CCDC30: variants seen among roughly 807,000 people sequenced by gnomAD.
CCDC30 encodes coiled-coil domain containing 30, also known as coiled-coil domain-containing protein 30.
Under a neutral mutation model 100.2 loss-of-function variants are expected in CCDC30, and 70 were observed. That is an observed-to-expected ratio of 0.70 (90% CI 0.58 to 0.85). The LOEUF (loss-of-function observed/expected upper bound fraction) is 0.85, where lower values mean the gene tolerates loss of function less well. CCDC30 is among the 40% of genes least tolerant of loss of function. The pLI is 0.00. For synonymous variants in CCDC30, 233 were observed against 269.5 expected (o/e 0.86, Z 1.33); for missense variants, 652 against 771.2 (o/e 0.85, Z 1.83).
chr1:42,608,665 A>G (rs887352979), intron 10 of CCDC30, among the ~76,000 whole-genome samples: 1 of 141,896 alleles, frequency 7.0e-6, no homozygotes, highest in Non-Finnish European at 1.5e-5. Context: ...AGATCGCGCC[A>G]CTGCCCTCCA....
intron 6 of CCDC30, among the ~76,000 whole-genome samples, chr1:42,517,264 G>T (rs1644568849): frequency 6.6e-6 from 1 of 152,130 alleles, no homozygotes; most frequent in Admixed American, 6.6e-5. Context: ...AAAAGAAATT[G>T]TAGAGATGGG....
At position 42,472,646 on chromosome 1, in the gene CCDC30, C is replaced by CT. The variant is rs1210844030; in HGVS notation, c.-91-7804dup. Among the ~76,000 whole-genome samples, 893 of 145,580 alleles carry CT rather than the reference C, an allele frequency of 6.1e-3. 9 individuals are homozygous for CT. The highest frequency in any genetic ancestry group is 0.019 in the African/African-American group (764 of 39,806). ...GCAAACTTTAGAACAGACAGAAAAG[C>CT]TTTTTTTTTTTCCATTGTACATAAT... On this transcript the variant is annotated intron_variant, in intron 1 of 16. Transcript: ENST00000668663.
At chr1:42,500,018 A>G (rs1231480285) in intron 6 of CCDC30, among the ~76,000 whole-genome samples, 2 of 152,184 alleles carry the variant, frequency 1.3e-5, no homozygotes, top group East Asian at 1.9e-4. Flanking sequence ...CCTGCCAGCC[A>G]GATAGACAGA....
chr1:42,596,884 GT>G lies in CCDC30; in HGVS notation c.1164+7402del, dbSNP rs367592903. Among the ~76,000 whole-genome samples the G allele has an allele frequency of 3.8e-3, 579 of 152,224 alleles. 1 individual carries two copies. Among genetic ancestry groups the G allele is most frequent in the African/African-American group, 0.012 (514 of 41,520 alleles). ...TGTGCTAAGGGCTCTAAGGAATAAAGTAGACCACATGCAGGAAGAGATGGGC... is the reference window on the plus strand; with the variant it reads ...TGTGCTAAGGGCTCTAAGGAATAAAGAGACCACATGCAGGAAGAGATGGGC... On this transcript the variant is annotated intron_variant, in intron 10 of 16. Coordinates refer to ENST00000668663, the Ensembl canonical transcript of CCDC30. This position sits in a 1 kb window ranked among gnomAD's most constrained non-coding sequence, Gnocchi z 4.3.
At chr1:42,572,853 A>G (rs969770701) in intron 7 of CCDC30, among the ~76,000 whole-genome samples, 1 of 152,154 alleles carries the variant, frequency 6.6e-6, no homozygotes, top group Admixed American at 6.5e-5. Flanking sequence ...TCCTGACCTC[A>G]GGTGATCTGC....
At chr1:42,564,875 T>G (rs1329179963) in intron 6 of CCDC30, among the ~76,000 whole-genome samples, 1 of 152,122 alleles carries the variant, frequency 6.6e-6, no homozygotes, top group Admixed American at 6.6e-5. Context: ...TTGCTGCTTC[T>G]GTGAGTTCAA....
At chr1:42,585,149 T>C (rs1348606524) in intron 9 of CCDC30, among the ~76,000 whole-genome samples, 2 of 152,240 alleles carry the variant, frequency 1.3e-5, no homozygotes, top group Non-Finnish European at 2.9e-5. Flanking sequence ...TCAGTCCATA[T>C]AATGTAAGTT....
Position 42,611,130 on chromosome 1 carries a change from G to A in CCDC30, c.1277+40G>A, listed in dbSNP as rs193096941. 1.1e-4 allele frequency: 131 copies of A among 1,243,454 alleles called. No homozygotes were observed. The East Asian group carries it at 2.2e-3, about 21-fold the overall frequency. 77.0% of individuals were successfully genotyped at this position (1,243,454 alleles called of 1,614,324 possible). A position where few individuals can be genotyped will look rare whatever the true frequency, so the allele number is the denominator to read the frequency against. On this transcript the variant is annotated intron_variant, in intron 11 of 16. Coordinates refer to ENST00000668663, the Ensembl canonical transcript of CCDC30. ...GTTCTCTTTGGAAGAAAACTATGTA[G>A]AGTAGTTATTTCTTGCTGAGCAGGC...
chr1:42,510,069 A>G (rs1326041798), intron 6 of CCDC30: 1 of 985,294 alleles, frequency 1.0e-6, no homozygotes, highest in Non-Finnish European at 1.2e-6. Flanking sequence ...GTGTTGTAGA[A>G]TTGGAGGAGC....
intron 9 of CCDC30, among the ~76,000 whole-genome samples, chr1:42,588,417 A>G (rs1646119807): frequency 1.3e-5 from 2 of 152,202 alleles, no homozygotes; most frequent in African/African-American, 4.8e-5. Flanking sequence ...GGGAAAATCA[A>G]GTGTGATGAC....
chr1:42,596,424 T>C lies in CCDC30; in HGVS notation c.1164+6941T>C, dbSNP rs964759677. Among the ~76,000 whole-genome samples the C allele has an allele frequency of 3.3e-5, 5 of 152,078 alleles. No homozygotes were observed. The highest frequency in any genetic ancestry group is 7.4e-5 in the Non-Finnish European group (5 of 68,006). On this transcript the variant is annotated intron_variant, in intron 10 of 16. Coordinates refer to ENST00000668663, the Ensembl canonical transcript of CCDC30. This position sits in a 1 kb window ranked among gnomAD's most constrained non-coding sequence, Gnocchi z 4.3. ...CAGGAGAAACTATTTAACCAGAGCC[T>C]AAGCTGTTGGGGTTTTGTCAGAGTC... is the stretch of plus-strand genomic sequence containing the variant.
intron 6 of CCDC30, among the ~76,000 whole-genome samples, chr1:42,543,444 T>C (rs1645057542): frequency 6.6e-6 from 1 of 151,956 alleles, no homozygotes; most frequent in African/African-American, 2.4e-5. Context: ...GCCTCAGCCA[T>C]CCGAGTAACT....
chr1:42,537,078 A>G (rs1644919569), intron 6 of CCDC30: 12 of 415,210 alleles, frequency 2.9e-5, no homozygotes, highest in Non-Finnish European at 5.7e-5. Flanking sequence ...GCACTGTAGA[A>G]TACGTGTTTC....
intron 6 of CCDC30, among the ~76,000 whole-genome samples, chr1:42,557,684 T>C (rs1307545605): frequency 1.4e-5 from 2 of 147,460 alleles, no homozygotes; most frequent in Non-Finnish European, 3.0e-5. Context: ...ATAAAATATT[T>C]TATTTATATT....
At chr1:42,559,496 A>G (rs1162379710) in intron 6 of CCDC30, among the ~76,000 whole-genome samples, 1 of 152,220 alleles carries the variant, frequency 6.6e-6, no homozygotes, top group South Asian at 2.1e-4. Flanking sequence ...TTGCAATCCT[A>G]GTCTCTGACA....
intron 11 of CCDC30, among the ~76,000 whole-genome samples, chr1:42,633,428 C>T (rs1215940772): frequency 4.6e-5 from 7 of 152,164 alleles, no homozygotes; most frequent in African/African-American, 9.7e-5. Flanking sequence ...CACCTGGAAG[C>T]CCCAACTCTC....
intron 6 of CCDC30, among the ~76,000 whole-genome samples, chr1:42,538,336 G>GAA (rs111385931): frequency 7.3e-6 from 1 of 136,134 alleles, no homozygotes; most frequent in African/African-American, 2.7e-5. Flanking sequence ...TCTCAAAAAA[G>GAA]AAAAAAAAAA....
At chr1:42,581,501 G>C in exon 9 of CCDC30, 1 of 1,612,818 alleles carries the variant, frequency 6.2e-7, no homozygotes, top group African/African-American at 1.3e-5. Flanking sequence ...ATATCAAGAA[G>C]AACAACAGAA....
At chr1:42,521,492 G>C (rs1443690484) in intron 6 of CCDC30, among the ~76,000 whole-genome samples, 3 of 152,160 alleles carry the variant, frequency 2.0e-5, no homozygotes, top group African/African-American at 4.8e-5. Context: ...CTATCTTGTA[G>C]ATTGTCCTGT....
Sources: gnomAD v4.1 joint callset for allele counts (sites outside exome capture counted in the v4.1 genomes callset) on GRCh38, gnomAD v4.1.1 for gene constraint, Gnocchi (gnomAD v3.1) non-coding constraint, MANE v1.5 for transcripts, NCBI Gene and HGNC (gene_info 2026-07-23, HGNC 2026-07-21) for gene names.